Variants in FMO5 observed in about 807,000 individuals in gnomAD.
FMO5 encodes flavin-containing monooxygenase 5.
Under a neutral mutation model 43.6 loss-of-function variants are expected in FMO5, and 51 were observed. The ratio of observed to expected loss-of-function variants is 1.17; its 90% CI spans 0.93 to 1.48. The LOEUF (loss-of-function observed/expected upper bound fraction) is 1.48. FMO5 is among the 40% of genes most tolerant of loss of function. FMO5 has a pLI of 0.00. For synonymous variants in FMO5, 187 were observed against 216.5 expected, an observed-to-expected ratio of 0.86 and a Z score of 1.20; for missense variants, 644 against 643.0, an observed-to-expected ratio of 1.00 and a Z score of -0.02.
At chr1:147,210,636 T>G (rs74120512) in intron 5 of FMO5, 1 of 152,288 alleles carries the variant, frequency 6.6e-6, no homozygotes, top group African/African-American at 2.4e-5. Context: ...ATGAAAACGC[T>G]CAGAGCCCTA....
rs782206570 is a variant in FMO5, at chr1:147,215,799, C to T, written c.279G>A (p.Arg93=). 1 of 1,613,304 alleles carries T rather than the reference C, an allele frequency of 6.2e-7. No individual in the cohort carries two copies. Among genetic ancestry groups the T allele is most frequent in the Non-Finnish European group, 8.5e-7 (1 of 1,179,734 alleles). Residue 93 remains arginine, a synonymous_variant, in exon 3 of 9, where the codon AGG becomes AGA. Coordinates refer to ENST00000254090, the MANE Select transcript of FMO5 (RefSeq NM_001461.4). ...GAAGGTCAAATTCTTTGGCATACAT[C>T]CTGAAATACTCCAGGACCTGGGCAT... ...MHNAQVLEYF[R]MYAKEFDLLK...
intron 6 of FMO5, among the ~76,000 whole-genome samples, chr1:147,206,955 G>A (rs946227512): frequency 1.7e-4 from 26 of 151,752 alleles, no homozygotes; most frequent in Non-Finnish European, 3.1e-4. Flanking sequence ...TATATAAAAA[G>A]AGAGATTAAA....
downstream of FMO5, among the ~76,000 whole-genome samples, chr1:147,185,300 A>G (rs1239988067): frequency 2.6e-5 from 4 of 152,108 alleles, no homozygotes; most frequent in Non-Finnish European, 5.9e-5. Flanking sequence ...TATATTATCA[A>G]AGGGCTGTTA....
chr1:147,187,009 G>A lies in FMO5; in HGVS notation c.1493C>T (p.Pro498Leu). Residue 498 changes from proline (P) to leucine (L), a missense_variant, in exon 9 of 9, where the codon CCT becomes CTT. Transcript: ENST00000254090. The stretch of plus-strand genomic sequence containing the variant: ...CCTTTCAACTACTCTTGTCATCAGA[G>A]GCTTCCTGATGCGATCATCTGTGGT... ...ILTTDDRIRK[P>L]LMTRVVERSS... 1.2e-6 allele frequency: 2 copies of A among 1,614,094 alleles called. No individual in the cohort carries two copies. Among genetic ancestry groups the A allele is most frequent in the Non-Finnish European group, 1.7e-6 (2 of 1,179,948 alleles).
intron 7 of FMO5, among the ~76,000 whole-genome samples, chr1:147,198,211 C>T (rs17355817): frequency 0.037 from 5,620 of 152,226 alleles, 158 homozygotes; most frequent in South Asian, 0.095. Flanking sequence ...GAAGTTTCTA[C>T]ATCAGAATTT....
chr1:147,220,671 C>T (rs1553926035), intron 2 of FMO5, among the ~76,000 whole-genome samples: 1 of 152,102 alleles, frequency 6.6e-6, no homozygotes, highest in East Asian at 1.9e-4. Context: ...TTAGATTTTA[C>T]ATTTAACTTT....
At position 147,187,221 on chromosome 1, in the gene FMO5, G is replaced by A. The variant is rs1553917370; in HGVS notation, c.1281C>T (p.Thr427=). Residue 427 remains threonine (T), a synonymous_variant, in exon 9 of 9, where the codon ACC becomes ACT. Transcript: ENST00000254090. ...DKRYVESQRH[T]IQGDYIDTME... ...TGGTATCTATGTAGTCTCCCTGAAT[G>A]GTATGGCGTTGGCTCTCCACATACC... The A allele has an allele frequency of 1.9e-6, 3 of 1,611,668 alleles. No individual in the cohort carries two copies. The highest frequency in any genetic ancestry group is 2.5e-6 in the Non-Finnish European group (3 of 1,178,904).
chr1:147,208,313 A>G (rs1660445567), intron 6 of FMO5: 1 of 152,364 alleles, frequency 6.6e-6, no homozygotes, highest in Non-Finnish European at 1.5e-5. Context: ...GGGGAATGAG[A>G]AAAGGGTTAC....
In FMO5 at chr1:147,195,295, A is replaced by AT. The variant is rs587619102; in HGVS notation, c.1184-5047dup. ...ACTGATATCCTACCAAACCCAAATAATTTTTTTTTGTAGTTTTAGTAGAGA... is the reference window on the plus strand; with the variant it reads ...ACTGATATCCTACCAAACCCAAATAATTTTTTTTTTGTAGTTTTAGTAGAGA... On this transcript the variant is annotated intron_variant, in intron 7 of 8. Coordinates refer to ENST00000254090, the MANE Select transcript of FMO5 (RefSeq NM_001461.4). Among the ~76,000 whole-genome samples, 1,490 of 151,124 alleles carry AT rather than the reference A, an allele frequency of 9.9e-3. 29 individuals carry two copies. The highest frequency in any genetic ancestry group is 0.034 in the African/African-American group (1,410 of 41,150).
intron 6 of FMO5, among the ~76,000 whole-genome samples, chr1:147,202,872 T>C (rs1283670945): frequency 1.3e-5 from 2 of 152,156 alleles, no homozygotes; most frequent in African/African-American, 4.8e-5. Context: ...GTTATATATC[T>C]GGTCACCAAG....
rs1658949839 is a variant in FMO5 at position 147,201,405 on chromosome 1, T to C, written c.930A>G (p.Thr310=). The stretch of plus-strand genomic sequence containing the variant: ...TGGAGCCATCCTCAAATATGGCAGC[T>C]GTCTCCGTGAATTCCTTCACATTTC... ...VKGNVKEFTE[T]AAIFEDGSRE... The change falls in exon 7 of 9, where the codon ACA becomes ACG. Residue 310 remains threonine, a synonymous_variant. Transcript: ENST00000254090. 6 of 1,614,182 alleles carry C rather than the reference T, an allele frequency of 3.7e-6. No individual in the cohort carries two copies. The highest frequency in any genetic ancestry group is 5.1e-6 in the Non-Finnish European group (6 of 1,179,986).
chr1:147,211,264 T>C (rs1661027932), intron 5 of FMO5: 1 of 152,348 alleles, frequency 6.6e-6, no homozygotes, highest in South Asian at 2.1e-4. Flanking sequence ...GCCAATGATA[T>C]TAAAGATGGC....
At chr1:147,206,998 G>C (rs1660216439) in intron 6 of FMO5, among the ~76,000 whole-genome samples, 1 of 151,652 alleles carries the variant, frequency 6.6e-6, no homozygotes, top group Non-Finnish European at 1.5e-5. Context: ...TGGTGTGATT[G>C]ATTACCTGAC....
Position 147,213,440 on chromosome 1 carries a change from C to G in FMO5, c.355G>C (p.Asp119His), listed in dbSNP as rs367897328. ...TTVCSVKKQP[D>H]FATSGQWEVV... ...TCCCATTGGCCTGAAGTGGCAAAAT[C>G]AGGCTGCTTCTTCACACTGCACACA... Residue 119 changes from aspartate (D) to histidine (H), a missense_variant, in exon 4 of 9, where the codon GAT (aspartate) becomes CAT (histidine). Transcript: ENST00000254090. 2.2e-5 allele frequency: 36 copies of G among 1,611,510 alleles called. No homozygotes were observed. The highest frequency in any genetic ancestry group is 2.8e-5 in the Non-Finnish European group (33 of 1,178,662).
intron 8 of FMO5, among the ~76,000 whole-genome samples, chr1:147,187,492 G>T (rs1559630643): frequency 2.0e-5 from 3 of 152,148 alleles, no homozygotes; most frequent in Non-Finnish European, 4.4e-5. Context: ...GTGGAGAGGG[G>T]ATAGTTAAAA....
intron 7 of FMO5, among the ~76,000 whole-genome samples, chr1:147,200,817 G>T (rs1658842382): frequency 6.6e-6 from 1 of 152,106 alleles, no homozygotes; most frequent in African/African-American, 2.4e-5. Flanking sequence ...CTAAAATCTA[G>T]ATGAGTAAAT....
At position 147,186,307 on chromosome 1, in the gene FMO5, GA is replaced by G; in HGVS notation, c.*592del. 1 of 982,210 alleles carries G rather than the reference GA, an allele frequency of 1.0e-6. No individual in the cohort carries two copies. The highest frequency in any genetic ancestry group is 1.2e-6 in the Non-Finnish European group (1 of 827,102). The allele number at this position is 982,210 out of a possible 1,614,324, so 60.8% of individuals were successfully genotyped here. ...AGAAAATAAAGACATGGTTCCTAAG[GA>G]AAAGGGCTAAAAATGACCATGTTTC... On this transcript the variant is annotated 3_prime_UTR_variant, in exon 9 of 9. Transcript: ENST00000254090.
At chr1:147,200,492 A>G (rs1427524137) in intron 7 of FMO5, among the ~76,000 whole-genome samples, 5 of 152,132 alleles carry the variant, frequency 3.3e-5, no homozygotes, top group Admixed American at 6.5e-5. Context: ...AGAGAACAAC[A>G]GTTGTAATGT....
chr1:147,199,874 A>G (rs1299220483), intron 7 of FMO5, among the ~76,000 whole-genome samples: 1 of 152,186 alleles, frequency 6.6e-6, no homozygotes, highest in Non-Finnish European at 1.5e-5. Context: ...TCACTAGTGA[A>G]AACAAAAAAG....
Sources: gnomAD v4.1 joint callset for allele counts (sites outside exome capture counted in the v4.1 genomes callset) on GRCh38, gnomAD v4.1.1 for gene constraint, MANE v1.5 for transcripts, NCBI Gene and HGNC (gene_info 2026-07-23, HGNC 2026-07-21) for gene names.